The following EXOC4 variants were observed in gnomAD, a reference collection of about 807,000 sequenced individuals.
EXOC4 encodes the protein SEC8-like 1.
In EXOC4, 71 loss-of-function variants were observed where a neutral mutation model predicts 107.2. That is an observed-to-expected ratio of 0.66 (90% confidence interval 0.55 to 0.81). The LOEUF is 0.81. Ranked by LOEUF, EXOC4 falls within the 30% of genes least tolerant of loss-of-function variation. EXOC4 has a pLI of 0.00. For synonymous variants in EXOC4, 456 were observed against 441.2 expected, an observed-to-expected ratio of 1.03 and a Z score of -0.42; for missense variants, 1,108 against 1,189.6, an observed-to-expected ratio of 0.93 and a Z score of 1.01.
chr7:133,991,805 G>C (rs1466370376), intron 14 of EXOC4, among the ~76,000 whole-genome samples: 1 of 152,030 alleles, frequency 6.6e-6, no homozygotes, highest in African/African-American at 2.4e-5. Flanking sequence ...TGTTCCATTG[G>C]TCTATGTGTC....
intron 10 of EXOC4, among the ~76,000 whole-genome samples, chr7:133,787,975 A>ATATATT (rs1796621001): frequency 4.1e-5 from 2 of 48,384 alleles, no homozygotes; most frequent in African/African-American, 1.8e-4. Context: ...ATATATATAT[A>ATATATT]TATATATATA....
intron 17 of EXOC4, among the ~76,000 whole-genome samples, chr7:134,018,986 A>G (rs1794969232): frequency 6.6e-6 from 1 of 152,216 alleles, no homozygotes; most frequent in African/African-American, 2.4e-5. Flanking sequence ...GCTGAAGTGC[A>G]GTGGCCTGAT....
chr7:133,581,683 A>G (rs938824518), intron 9 of EXOC4, among the ~76,000 whole-genome samples: 5 of 148,016 alleles, frequency 3.4e-5, no homozygotes, highest in Non-Finnish European at 7.4e-5. Context: ...GCATGAACCC[A>G]AGAGGCAGAG....
chr7:133,869,682 A>G (rs1798711750), intron 11 of EXOC4, among the ~76,000 whole-genome samples: 1 of 152,146 alleles, frequency 6.6e-6, no homozygotes, highest in Non-Finnish European at 1.5e-5. Context: ...GGAAAGTAGA[A>G]TCCCTTCTCT....
At chr7:133,290,113 G>A (rs370695151) in intron 3 of EXOC4, among the ~76,000 whole-genome samples, 114 of 152,332 alleles carry the variant, frequency 7.5e-4, no homozygotes, top group Middle Eastern at 3.4e-3. Context: ...TAACCAAGGA[G>A]TGAGAAGTGC....
intron 9 of EXOC4, among the ~76,000 whole-genome samples, chr7:133,626,065 A>C (rs1802446610): frequency 6.6e-6 from 1 of 151,996 alleles, no homozygotes; most frequent in Admixed American, 6.5e-5. Context: ...AAATTAGCTA[A>C]GCATGTTGGT....
At chr7:133,761,790 G>A (rs1009411037) in intron 10 of EXOC4, among the ~76,000 whole-genome samples, 17 of 152,116 alleles carry the variant, frequency 1.1e-4, no homozygotes, top group African/African-American at 1.9e-4. Flanking sequence ...TGCAGTTTAC[G>A]AACAATACTA....
intron 10 of EXOC4, among the ~76,000 whole-genome samples, chr7:133,809,834 A>G (rs1011057023): frequency 6.6e-6 from 1 of 152,202 alleles, no homozygotes; most frequent in African/African-American, 2.4e-5. Flanking sequence ...ACAGTGATTC[A>G]CTGTTTGTGA....
the EXOC4 span, among the ~76,000 whole-genome samples, chr7:134,084,807 T>A: frequency 6.6e-6 from 1 of 151,826 alleles, no homozygotes; most frequent in South Asian, 2.1e-4. Context: ...TCAGCCAAAT[T>A]AAATTTAAAG....
chr7:133,515,517 G>A (rs1182028809), intron 9 of EXOC4, among the ~76,000 whole-genome samples: 1 of 152,088 alleles, frequency 6.6e-6, no homozygotes, highest in African/African-American at 2.4e-5. Flanking sequence ...TACCTTGGCT[G>A]GATTACAGTG....
chr7:133,818,098 G>C (rs535746702), intron 11 of EXOC4, among the ~76,000 whole-genome samples: 1 of 152,160 alleles, frequency 6.6e-6, no homozygotes, highest in Non-Finnish European at 1.5e-5. Context: ...CTTAGCATCA[G>C]AAAAAATAAA....
intron 14 of EXOC4, among the ~76,000 whole-genome samples, chr7:133,983,980 G>A (rs1432517284): frequency 6.6e-6 from 1 of 152,128 alleles, no homozygotes; most frequent in Non-Finnish European, 1.5e-5. Context: ...CCAAGCCTTA[G>A]GGAGGATTAT....
At chr7:133,605,475 A>G (rs1300372493) in intron 9 of EXOC4, among the ~76,000 whole-genome samples, 1 of 152,140 alleles carries the variant, frequency 6.6e-6, no homozygotes, top group Non-Finnish European at 1.5e-5. Flanking sequence ...CCTGTTTTGG[A>G]CACTAAGTAT....
At chr7:134,043,994 C>T (rs748780929) in intron 17 of EXOC4, among the ~76,000 whole-genome samples, 1 of 152,176 alleles carries the variant, frequency 6.6e-6, no homozygotes, top group East Asian at 1.9e-4. Context: ...GGTGATGGAG[C>T]ATGGTCTAGG....
At chr7:134,014,027 A>G (rs1794834837) in intron 17 of EXOC4, among the ~76,000 whole-genome samples, 1 of 152,236 alleles carries the variant, frequency 6.6e-6, no homozygotes, top group Admixed American at 6.5e-5. Flanking sequence ...ACTCCTAGGT[A>G]TATACACAGA....
chr7:133,502,246 G>C (rs1342257292), intron 9 of EXOC4, among the ~76,000 whole-genome samples: 1 of 151,772 alleles, frequency 6.6e-6, no homozygotes, highest in Non-Finnish European at 1.5e-5. Flanking sequence ...AGGAGGGAAA[G>C]AACAAAAAAT....
At chr7:133,898,878 T>A (rs927142170) in intron 12 of EXOC4, among the ~76,000 whole-genome samples, 6 of 151,688 alleles carry the variant, frequency 4.0e-5, no homozygotes, top group Non-Finnish European at 8.8e-5. Context: ...CTCGGGAGGC[T>A]GAGGCAGGAG....
Position 134,060,785 on chromosome 7 carries a change from A to G in EXOC4, c.2688-3506A>G, listed in dbSNP as rs116506385. ...TCCTGGGTACCATTCTGAAAGATAAATGAATTTCCTTCTGTCTTTAAATAT... is the reference window on the plus strand; with the variant it reads ...TCCTGGGTACCATTCTGAAAGATAAGTGAATTTCCTTCTGTCTTTAAATAT... On this transcript the variant is annotated intron_variant, in intron 17 of 17. Coordinates refer to ENST00000253861, the MANE Select transcript of EXOC4 (RefSeq NM_021807.4). 1.1e-3 allele frequency among the ~76,000 whole-genome samples: 175 copies of G among 152,308 alleles called. 1 individual carries two copies. Among genetic ancestry groups the G allele is most frequent in the African/African-American group, 4.1e-3 (170 of 41,558 alleles).
chr7:133,445,454 C>G (rs535900664), intron 7 of EXOC4, among the ~76,000 whole-genome samples: 1 of 152,226 alleles, frequency 6.6e-6, no homozygotes, highest in East Asian at 1.9e-4. Flanking sequence ...TTGTTAGGAC[C>G]AATCTTAGAA....
Sources: gnomAD v4.1 joint callset for allele counts (sites outside exome capture counted in the v4.1 genomes callset) on GRCh38, gnomAD v4.1.1 for gene constraint, MANE v1.5 for transcripts, NCBI Gene and HGNC (gene_info 2026-07-23, HGNC 2026-07-21) for gene names.